SYN2: variants seen among roughly 807,000 people sequenced by gnomAD.
SYN2 encodes the protein synapsin-2.
SYN2 carries 19 observed loss-of-function variants against 50.9 expected under a neutral mutation model. The observed-to-expected ratio is 0.37, with a 90% CI of 0.26 to 0.55. The LOEUF is 0.55. Ranked by LOEUF, SYN2 falls within the 20% of genes least tolerant of loss-of-function variation. The pLI is 0.81. For synonymous variants in SYN2, 255 were observed against 224.9 expected, an observed-to-expected ratio of 1.13 and a Z score of -1.20; for missense variants, 587 against 576.4, an observed-to-expected ratio of 1.02 and a Z score of -0.19.
chr3:12,187,529 A>G lies in SYN2; in HGVS notation c.1530A>G (p.Ala510=), dbSNP rs372078123. 37 of 1,551,632 alleles carry G rather than the reference A, an allele frequency of 2.4e-5. No individual in the cohort carries two copies. The African/African-American group carries it at 3.7e-4, about 16-fold the overall frequency. ...GCGGCCCCACCACCCACGGAGATGC[A>G]CCCTCCAGCAGCAGCTCCCTGGCAG... The part of the protein sequence containing the change: ...RPGGPTTHGD[A]PSSSSSLAEA... Residue 510 remains alanine, a synonymous_variant, in exon 12 of 13, where the codon GCA becomes GCG. Coordinates refer to ENST00000621198, the MANE Select transcript of SYN2 (RefSeq NM_133625.6).
At chr3:12,031,988 C>A (rs560644022) in intron 1 of SYN2, among the ~76,000 whole-genome samples, 1 of 148,586 alleles carries the variant, frequency 6.7e-6, no homozygotes, top group African/African-American at 2.4e-5. Flanking sequence ...ATGGTCTTTA[C>A]AATTTGGCAT....
chr3:12,189,161 A>C (rs1698400969), intron 12 of SYN2, among the ~76,000 whole-genome samples: 2 of 152,206 alleles, frequency 1.3e-5, no homozygotes, highest in South Asian at 4.1e-4. Context: ...TGAGAGTCCC[A>C]AGACACCAGG....
intron 11 of SYN2, chr3:12,185,287 A>G: frequency 1.0e-6 from 1 of 985,716 alleles, no homozygotes; most frequent in Non-Finnish European, 1.2e-6. Context: ...TGTCCAAGCG[A>G]TGAGCTGACG....
chr3:12,046,065 T>C (rs935055894), intron 1 of SYN2, among the ~76,000 whole-genome samples: 2 of 152,196 alleles, frequency 1.3e-5, no homozygotes, highest in African/African-American at 4.8e-5. Flanking sequence ...GATTATACTT[T>C]CTACTAGGAT....
chr3:12,140,515 A>G, intron 1 of SYN2, 136 bp from the exon 2 acceptor site: 1 of 690,506 alleles, frequency 1.4e-6, no homozygotes, highest in Non-Finnish European at 2.7e-6. Flanking sequence ...TCATAGCAGA[A>G]TGTGGATCAG....
rs1697030081 is a variant in SYN2, at chr3:12,142,007, TTCTGTCCTC to T, written c.527+12_527+20del. The T allele has an allele frequency of 1.3e-6, 1 of 780,656 alleles. No individual in the cohort carries two copies. The highest frequency in any genetic ancestry group is 2.4e-6 in the Non-Finnish European group (1 of 417,940). The allele number at this position is 780,656 out of a possible 1,614,324, so 48.4% of individuals were successfully genotyped here. A position where few individuals can be genotyped will look rare whatever the true frequency, so the allele number is the denominator to read the frequency against. ...CACAAAGGTTGTCCGGTAAGGGTCT[TTCTGTCCTC>T]AGGATCATTGTGACTGTCTCCAGAG... is the stretch of plus-strand genomic sequence containing the variant. On this transcript the variant is annotated intron_variant, in intron 3 of 12. Coordinates refer to ENST00000621198, the MANE Select transcript of SYN2 (RefSeq NM_133625.6).
At chr3:12,110,955 G>T (rs934510481) in intron 1 of SYN2, among the ~76,000 whole-genome samples, 1 of 152,214 alleles carries the variant, frequency 6.6e-6, no homozygotes, top group Non-Finnish European at 1.5e-5. Flanking sequence ...GGACTTTTGA[G>T]TTAATGCTGA....
At chr3:12,041,400 T>G (rs1010760731) in intron 1 of SYN2, among the ~76,000 whole-genome samples, 1 of 152,194 alleles carries the variant, frequency 6.6e-6, no homozygotes, top group African/African-American at 2.4e-5. Flanking sequence ...GAATAGAGCT[T>G]GCCTCTGTGT....
chr3:12,167,378 G>A lies in SYN2; in HGVS notation c.1055+70G>A, dbSNP rs536879980. On this transcript the variant is annotated intron_variant, in intron 8 of 12. Transcript: ENST00000621198. Reference sequence around the variant, plus strand: ...GGCTTCCTTAGATGAAGAAGTTTAGGAATTAAGCTCTGTCCAAAGGGAGTC... The same window carrying A: ...GGCTTCCTTAGATGAAGAAGTTTAGAAATTAAGCTCTGTCCAAAGGGAGTC... 8.1e-5 allele frequency: 121 copies of A among 1,489,602 alleles called. 3 individuals are homozygous for A. In the South Asian group the frequency reaches 1.4e-3, roughly 17 times the overall value. The allele number at this position is 1,489,602 out of a possible 1,614,324, so 92.3% of individuals were successfully genotyped here. A position where few individuals can be genotyped will look rare whatever the true frequency, so the allele number is the denominator to read the frequency against.
intron 1 of SYN2, among the ~76,000 whole-genome samples, chr3:12,134,469 C>T (rs549026617): frequency 4.3e-4 from 66 of 152,306 alleles, no homozygotes; most frequent in East Asian, 9.6e-4. Flanking sequence ...AGCTTCTGTG[C>T]GTTTGCCCTT....
intron 11 of SYN2, chr3:12,185,076 G>A (rs1167341056): frequency 1.6e-5 from 16 of 985,840 alleles, no homozygotes; most frequent in Admixed American, 1.2e-4. Flanking sequence ...AATGCATTGA[G>A]TGTGAATGTT....
chr3:12,171,374 TGA>T (rs1364079860), intron 10 of SYN2, among the ~76,000 whole-genome samples: 1 of 152,332 alleles, frequency 6.6e-6, no homozygotes, highest in East Asian at 1.9e-4. Flanking sequence ...CACTAGATTA[TGA>T]GAGAGAATCT....
At chr3:12,055,515 T>C (rs146640500) in intron 1 of SYN2, among the ~76,000 whole-genome samples, 162 of 152,306 alleles carry the variant, frequency 1.1e-3, no homozygotes, top group African/African-American at 3.7e-3. Flanking sequence ...AGGAAAGATC[T>C]GGGATTTTGT....
intron 10 of SYN2, among the ~76,000 whole-genome samples, chr3:12,177,520 G>T (rs1698107623): frequency 6.6e-6 from 1 of 152,132 alleles, no homozygotes; most frequent in Non-Finnish European, 1.5e-5. Context: ...GTCCAGTTAG[G>T]GAGGGGTCTC....
intron 1 of SYN2, among the ~76,000 whole-genome samples, chr3:12,113,542 A>G (rs145051280): frequency 6.6e-6 from 1 of 152,260 alleles, no homozygotes; most frequent in African/African-American, 2.4e-5. Context: ...GTGTTGTACA[A>G]TCCTCACCAC....
At chr3:12,072,386 T>C (rs1695374452) in intron 1 of SYN2, among the ~76,000 whole-genome samples, 1 of 152,224 alleles carries the variant, frequency 6.6e-6, no homozygotes, top group Admixed American at 6.5e-5. Context: ...TTTGAGGTCA[T>C]ATCTGTTATC....
In SYN2 at chr3:12,156,109, T is replaced by C. The variant is rs140931980; in HGVS notation, c.774+4783T>C. Among the ~76,000 whole-genome samples, 597 of 152,358 alleles carry C rather than the reference T, an allele frequency of 3.9e-3. 1 individual carries two copies. The highest frequency in any genetic ancestry group is 6.5e-3 in the Non-Finnish European group (445 of 68,032). The stretch of plus-strand genomic sequence containing the variant: ...ATGGCAGTGACTAAGTGGTCATTCA[T>C]TGCTGAATGTGTGGATAGATCGTGG... On this transcript the variant is annotated intron_variant, in intron 5 of 12. Transcript: ENST00000621198.
intron 1 of SYN2, among the ~76,000 whole-genome samples, chr3:12,048,303 G>T (rs1260825207): frequency 1.3e-5 from 2 of 152,152 alleles, no homozygotes; most frequent in East Asian, 3.9e-4. Flanking sequence ...GAGTAGCTGG[G>T]ACGACGGGTG....
intron 1 of SYN2, among the ~76,000 whole-genome samples, chr3:12,068,423 T>C (rs1255841540): frequency 1.3e-5 from 2 of 152,210 alleles, no homozygotes; most frequent in African/African-American, 4.8e-5. Context: ...ATTTGGAATT[T>C]TCTCTTTGGC....
Sources: gnomAD v4.1 joint callset for allele counts (sites outside exome capture counted in the v4.1 genomes callset) on GRCh38, gnomAD v4.1.1 for gene constraint, MANE v1.5 for transcripts, NCBI Gene and HGNC (gene_info 2026-07-23, HGNC 2026-07-21) for gene names.